DLG2: variants seen among roughly 807,000 people sequenced by gnomAD.
DLG2 encodes disks large homolog 2.
Under a neutral mutation model 132.5 loss-of-function variants are expected in DLG2, and 45 were observed. The observed-to-expected ratio is 0.34, with a 90% CI of 0.27 to 0.44. The LOEUF (loss-of-function observed/expected upper bound fraction) is 0.44, where lower values mean the gene tolerates loss of function less well. Among genes scored for constraint, DLG2 ranks in the 20% least tolerant of loss-of-function variants. The probability of loss-of-function intolerance (pLI) is 1.00; values close to 1 mark genes in which losing one functional copy is unlikely to be tolerated. For missense variants in DLG2, 1,045 were observed against 1,196.9 expected, an observed-to-expected ratio of 0.87 and a Z score of 1.87; for synonymous variants, 424 against 419.6, an observed-to-expected ratio of 1.01 and a Z score of -0.13.
At chr11:84,241,843 G>T (rs1426763330) in intron 8 of DLG2, among the ~76,000 whole-genome samples, 1 of 152,160 alleles carries the variant, frequency 6.6e-6, no homozygotes, top group Non-Finnish European at 1.5e-5. Flanking sequence ...GTACTTTTAA[G>T]AACAAATTTT....
chr11:83,992,146 C>A (rs2093754315), intron 11 of DLG2, among the ~76,000 whole-genome samples: 1 of 152,136 alleles, frequency 6.6e-6, no homozygotes, highest in South Asian at 2.1e-4. Flanking sequence ...CCTGTGCCAG[C>A]CTTTCTTCCT....
At chr11:84,642,016 A>G (rs2099667270) in intron 6 of DLG2, among the ~76,000 whole-genome samples, 1 of 140,962 alleles carries the variant, frequency 7.1e-6, no homozygotes, top group Non-Finnish European at 1.5e-5. Flanking sequence ...TTATATATAT[A>G]TATACACACA....
chr11:84,150,474 G>A (rs1359536070), intron 9 of DLG2, among the ~76,000 whole-genome samples: 1 of 152,148 alleles, frequency 6.6e-6, no homozygotes, highest in African/African-American at 2.4e-5. Flanking sequence ...TTTTGGTGGA[G>A]TATTTAGGGT....
At chr11:84,645,014 G>A (rs534954584) in intron 6 of DLG2, among the ~76,000 whole-genome samples, 2 of 152,118 alleles carry the variant, frequency 1.3e-5, no homozygotes, top group Non-Finnish European at 2.9e-5. Context: ...CTGCAGAGTT[G>A]CATTAAGAAA....
chr11:84,383,309 C>T (rs907679032), intron 7 of DLG2, among the ~76,000 whole-genome samples: 2 of 151,766 alleles, frequency 1.3e-5, no homozygotes, highest in Non-Finnish European at 2.9e-5. Context: ...CTCTGACACA[C>T]CCCAAGCTAA....
At chr11:83,858,398 G>A (rs577008033) in intron 16 of DLG2, among the ~76,000 whole-genome samples, 49 of 152,074 alleles carry the variant, frequency 3.2e-4, no homozygotes, top group South Asian at 8.3e-4. Flanking sequence ...AAGTCAAAAG[G>A]CATGAGGAAT....
chr11:85,596,460 C>T (rs1326220669), intron 3 of DLG2, among the ~76,000 whole-genome samples: 1 of 152,126 alleles, frequency 6.6e-6, no homozygotes, highest in Non-Finnish European at 1.5e-5. Context: ...TTCCTTGTCA[C>T]ATGTAAATAT....
intron 18 of DLG2, among the ~76,000 whole-genome samples, chr11:83,668,429 T>G (rs1001192231): frequency 2.6e-5 from 4 of 152,204 alleles, no homozygotes; most frequent in Non-Finnish European, 5.9e-5. Flanking sequence ...AGGCTGCTCA[T>G]TCTACCTGGG....
At chr11:85,331,225 A>T (rs2081715643) in intron 3 of DLG2, among the ~76,000 whole-genome samples, 1 of 152,180 alleles carries the variant, frequency 6.6e-6, no homozygotes, top group Non-Finnish European at 1.5e-5. Flanking sequence ...GCAGGCCAAA[A>T]CTGTTAATGA....
In DLG2 at chr11:83,668,838, A is replaced by G. The variant is rs1386972421; in HGVS notation, c.1826-35513T>C. ...ATATAAACATATATATGTGTATATAAACACACACACACATATATATATATA... is the reference window on the plus strand; with the variant it reads ...ATATAAACATATATATGTGTATATAGACACACACACACATATATATATATA... On this transcript the variant is annotated intron_variant, in intron 18 of 27. Transcript: ENST00000376104. Among the ~76,000 whole-genome samples, 2 of 117,152 alleles carry G rather than the reference A, an allele frequency of 1.7e-5. 1 individual carries two copies. Among genetic ancestry groups the G allele is most frequent in the Admixed American group, 1.6e-4 (2 of 12,892 alleles). The allele number at this position is 117,152 out of a possible 152,430, so 76.9% of individuals were successfully genotyped here.
intron 16 of DLG2, among the ~76,000 whole-genome samples, chr11:83,842,822 AAAAAAAAAAAAG>A (rs2057896231): frequency 6.9e-6 from 1 of 145,448 alleles, no homozygotes; most frequent in Non-Finnish European, 1.5e-5. Flanking sequence ...TCTCCAAAAA[AAAAAAAAAAAAG>A]AAGGAAAATT....
In DLG2 at chr11:85,240,715, C is replaced by A. The variant is rs192917762; in HGVS notation, c.186+44505G>T. Among the ~76,000 whole-genome samples the A allele has an allele frequency of 4.0e-5, 6 of 151,854 alleles. No individual in the cohort carries two copies. In the East Asian group the frequency reaches 1.2e-3, roughly 29 times the overall value. On this transcript the variant is annotated intron_variant, in intron 4 of 27. Coordinates refer to ENST00000376104, the MANE Select transcript of DLG2 (RefSeq NM_001142699.3). ...CTTTTATATATCAACATTTCACACA[C>A]ATAAGTTTGTTTTTTAAGTTACCTT...
intron 7 of DLG2, among the ~76,000 whole-genome samples, chr11:84,449,707 T>C (rs765378875): frequency 2.6e-5 from 4 of 151,884 alleles, no homozygotes; most frequent in Non-Finnish European, 4.4e-5. Context: ...TGTTTACTTA[T>C]GTTATTTTAA....
chr11:85,470,208 C>T (rs1287704360), intron 3 of DLG2, among the ~76,000 whole-genome samples: 1 of 146,644 alleles, frequency 6.8e-6, no homozygotes. Flanking sequence ...AATTAATCTA[C>T]TTGGTTTTTT....
At chr11:85,303,066 A>G (rs2079703257) in intron 3 of DLG2, among the ~76,000 whole-genome samples, 1 of 152,218 alleles carries the variant, frequency 6.6e-6, no homozygotes. Context: ...CCCTGCTCTT[A>G]ACCACTATCC....
chr11:83,614,618 C>T (rs1360399891), intron 19 of DLG2, among the ~76,000 whole-genome samples: 1 of 151,974 alleles, frequency 6.6e-6, no homozygotes, highest in Non-Finnish European at 1.5e-5. Context: ...AGTAGGGAGG[C>T]TGAGGTGGGA....
intron 6 of DLG2, among the ~76,000 whole-genome samples, chr11:84,832,969 G>C (rs1273562124): frequency 2.0e-5 from 3 of 151,672 alleles, no homozygotes; most frequent in African/African-American, 7.2e-5. Flanking sequence ...TGAAGAACGA[G>C]AGTTGTATGT....
intron 3 of DLG2, among the ~76,000 whole-genome samples, chr11:85,416,953 G>A (rs1056343873): frequency 2.0e-5 from 3 of 152,056 alleles, no homozygotes; most frequent in African/African-American, 7.2e-5. Context: ...TTGCCTGATT[G>A]CCCTGGCCAG....
intron 6 of DLG2, among the ~76,000 whole-genome samples, chr11:84,664,231 C>A (rs889433515): frequency 6.6e-6 from 1 of 152,054 alleles, no homozygotes; most frequent in Non-Finnish European, 1.5e-5. Flanking sequence ...GTGTACATAT[C>A]GTTCCCTTTT....
Sources: gnomAD v4.1 joint callset for allele counts (sites outside exome capture counted in the v4.1 genomes callset) on GRCh38, gnomAD v4.1.1 for gene constraint, MANE v1.5 for transcripts, NCBI Gene and HGNC (gene_info 2026-07-23, HGNC 2026-07-21) for gene names.